The following AKAP6 variants were observed in gnomAD, a reference collection of about 807,000 sequenced individuals.
AKAP6 encodes the protein A-kinase anchoring protein 6, also known as A-kinase anchor protein 6.
AKAP6 carries 58 observed loss-of-function variants against 188.5 expected under a neutral mutation model. The ratio of observed to expected loss-of-function variants is 0.31; its 90% CI spans 0.25 to 0.38. AKAP6 has a LOEUF of 0.38. AKAP6 is among the 10% of genes least tolerant of loss of function. The pLI is 1.00. For missense variants in AKAP6, 2,710 were observed against 2,740.0 expected, an observed-to-expected ratio of 0.99 and a Z score of 0.24; for synonymous variants, 989 against 998.6, an observed-to-expected ratio of 0.99 and a Z score of 0.18.
At chr14:32,793,324 A>G (rs777630422) in intron 12 of AKAP6, among the ~76,000 whole-genome samples, 1 of 152,212 alleles carries the variant, frequency 6.6e-6, no homozygotes, top group Non-Finnish European at 1.5e-5. Context: ...AAAGGGATAG[A>G]GGAAAATTTA....
intron 7 of AKAP6, among the ~76,000 whole-genome samples, chr14:32,660,329 A>G (rs1314252871): frequency 2.0e-5 from 3 of 152,112 alleles, no homozygotes; most frequent in Admixed American, 6.6e-5. Context: ...GCCTTTCCCC[A>G]TTGTGCCACC....
intron 5 of AKAP6, among the ~76,000 whole-genome samples, chr14:32,592,155 T>C (rs1044088426): frequency 1.3e-5 from 2 of 152,204 alleles, no homozygotes; most frequent in Non-Finnish European, 2.9e-5. Flanking sequence ...AGGTTTTTTG[T>C]ACAAATCTCC....
intron 2 of AKAP6, chr14:32,473,787 G>T (rs962785855): frequency 6.6e-6 from 1 of 152,246 alleles, no homozygotes; most frequent in Admixed American, 6.5e-5. Flanking sequence ...AGCACATTGG[G>T]CAGGACACCA....
intron 1 of AKAP6, among the ~76,000 whole-genome samples, chr14:32,399,479 C>T (rs1889008181): frequency 2.0e-5 from 3 of 152,290 alleles, no homozygotes; most frequent in Non-Finnish European, 2.9e-5. Context: ...TGTCACATTA[C>T]AGGAAAGAAT....
At position 32,578,244 on chromosome 14, in the gene AKAP6, G is replaced by A. The variant is rs529794076; in HGVS notation, c.2469+1002G>A. On this transcript the variant is annotated intron_variant, in intron 5 of 13. Transcript: ENST00000280979. ...GGAGAGGGAGAAAAGAGGGGAAAGA[G>A]ATAATGTTTCAGGTTTTGGTGTTTG... 1.2e-4 allele frequency among the ~76,000 whole-genome samples: 19 copies of A among 152,292 alleles called. No homozygotes were observed. In the South Asian group the frequency reaches 3.9e-3, roughly 32 times the overall value.
At chr14:32,460,616 C>G (rs1182495801) in intron 2 of AKAP6, among the ~76,000 whole-genome samples, 2 of 152,204 alleles carry the variant, frequency 1.3e-5, no homozygotes, top group Admixed American at 6.5e-5. Flanking sequence ...CACCAGGGCC[C>G]TGGGTTTCAA....
intron 2 of AKAP6, among the ~76,000 whole-genome samples, chr14:32,531,158 TAAAC>T (rs745862095): frequency 7.9e-5 from 12 of 152,182 alleles, no homozygotes; most frequent in Non-Finnish European, 1.3e-4. Context: ...ATATGTGAAT[TAAAC>T]AAAGCAATGT....
Position 32,576,562 on chromosome 14 carries a change from A to G in AKAP6, c.2347-558A>G, listed in dbSNP as rs145224803. Among the ~76,000 whole-genome samples the G allele has an allele frequency of 2.6e-5, 4 of 152,310 alleles. No homozygotes were observed. The East Asian group carries it at 7.7e-4, about 29-fold the overall frequency. ...TTTCTACGCTTCCTTCCTTTGTAGCACACAGGCTCAGACACAGACATTTGG... is the reference window on the plus strand; with the variant it reads ...TTTCTACGCTTCCTTCCTTTGTAGCGCACAGGCTCAGACACAGACATTTGG... On this transcript the variant is annotated intron_variant, in intron 4 of 13. Transcript: ENST00000280979.
chr14:32,433,890 T>C lies in AKAP6; in HGVS notation c.324+73T>C, dbSNP rs1007857836. On this transcript the variant is annotated intron_variant, in intron 2 of 13. Transcript: ENST00000280979. Reference sequence around the variant, plus strand: ...TGTGGCACCTAGAGACTGTGTTCTGTAATTTCCAGTGAGGAATTGTCCAGG... The same window carrying C: ...TGTGGCACCTAGAGACTGTGTTCTGCAATTTCCAGTGAGGAATTGTCCAGG... 3.6e-6 allele frequency: 5 copies of C among 1,402,286 alleles called. No individual in the cohort carries two copies. In the East Asian group the frequency reaches 1.1e-4, roughly 32 times the overall value. The allele number at this position is 1,402,286 out of a possible 1,614,324, so 86.9% of individuals were successfully genotyped here.
chr14:32,736,005 T>C, intron 11 of AKAP6, 123 bp downstream of exon 11: 1 of 719,374 alleles, frequency 1.4e-6, no homozygotes, highest in Non-Finnish European at 2.2e-6. Context: ...AATGTTTCCT[T>C]GAATTTATAG....
intron 2 of AKAP6, among the ~76,000 whole-genome samples, chr14:32,459,543 AAG>A (rs1452761139): frequency 6.6e-6 from 1 of 152,084 alleles, no homozygotes; most frequent in Non-Finnish European, 1.5e-5. Context: ...TCCCTGAAAT[AAG>A]ATTTAAATGA....
At chr14:32,557,145 C>A (rs998469384) in intron 4 of AKAP6, among the ~76,000 whole-genome samples, 1 of 152,030 alleles carries the variant, frequency 6.6e-6, no homozygotes, top group Non-Finnish European at 1.5e-5. Context: ...AATGTGGTGG[C>A]GTGATGATAG....
chr14:32,689,148 ATG>A (rs1357862370), intron 8 of AKAP6, among the ~76,000 whole-genome samples: 1 of 152,168 alleles, frequency 6.6e-6, no homozygotes, highest in Admixed American at 6.6e-5. Context: ...ATTCTTCAGA[ATG>A]TTTTCTGTTT....
chr14:32,697,953 T>A (rs1254123249), intron 9 of AKAP6, among the ~76,000 whole-genome samples: 1 of 152,188 alleles, frequency 6.6e-6, no homozygotes, highest in South Asian at 2.1e-4. Flanking sequence ...GTGACTCACG[T>A]CCTGTCACCA....
intron 2 of AKAP6, among the ~76,000 whole-genome samples, chr14:32,500,714 A>G (rs140142088): frequency 6.6e-6 from 1 of 152,284 alleles, no homozygotes; most frequent in African/African-American, 2.4e-5. Context: ...AGGGCTGTGT[A>G]TTCTTGACTG....
At chr14:32,519,047 C>CT (rs201413779) in intron 2 of AKAP6, among the ~76,000 whole-genome samples, 1,753 of 152,282 alleles carry the variant, frequency 0.012, 45 homozygotes, top group African/African-American at 0.039. Flanking sequence ...TATTCAACAT[C>CT]TTAAAGAAAA....
At chr14:32,577,333 CA>C in intron 5 of AKAP6, 91 bp downstream of exon 5, 1 of 1,531,704 alleles carries the variant, frequency 6.5e-7, no homozygotes, top group Non-Finnish European at 8.8e-7. Context: ...TTTTATTTAT[CA>C]AAGGTTACTA....
chr14:32,464,612 A>G (rs868574197), intron 2 of AKAP6, among the ~76,000 whole-genome samples: 2 of 152,336 alleles, frequency 1.3e-5, no homozygotes, highest in Middle Eastern at 3.4e-3. Context: ...AATAAGAGCT[A>G]TTTATGACAA....
chr14:32,767,347 A>G (rs967091533), intron 11 of AKAP6, among the ~76,000 whole-genome samples: 3 of 152,148 alleles, frequency 2.0e-5, no homozygotes, highest in African/African-American at 7.2e-5. Flanking sequence ...ACTTTCTGTC[A>G]TATCACCCTG....
Sources: allele counts gnomAD v4.1 joint callset (sites outside exome capture counted in the v4.1 genomes callset), GRCh38; gene constraint gnomAD v4.1.1; transcripts MANE v1.5; gene names NCBI Gene and HGNC (gene_info 2026-07-23, HGNC 2026-07-21).